The following SCRIB variants were observed in gnomAD, a reference collection of about 807,000 sequenced individuals.
SCRIB encodes scribble planar cell polarity protein.
Under a neutral mutation model 170.0 loss-of-function variants are expected in SCRIB, and 72 were observed. The observed-to-expected ratio is 0.42, with a 90% CI of 0.35 to 0.52. The LOEUF (loss-of-function observed/expected upper bound fraction) is 0.52. Among genes scored for constraint, SCRIB ranks in the 20% least tolerant of loss-of-function variants. The pLI, the probability that SCRIB is intolerant of heterozygous loss-of-function variation, is 0.02. For synonymous variants in SCRIB, 1,298 were observed against 1,044.3 expected, an observed-to-expected ratio of 1.24 and a Z score of -4.68; for missense variants, 2,475 against 2,338.5, an observed-to-expected ratio of 1.06 and a Z score of -1.20.
rs369473591 is a variant in SCRIB at position 143,803,803 on chromosome 8, C to T, written c.3258G>A (p.Ser1086=). 45 of 1,603,982 alleles carry T rather than the reference C, an allele frequency of 2.8e-5. No individual in the cohort carries two copies. Among genetic ancestry groups the T allele is most frequent in the Non-Finnish European group, 3.2e-5 (38 of 1,179,444 alleles). Residue 1086 remains serine (S), a synonymous_variant, in exon 23 of 37, where the codon TCG becomes TCA. Transcript: ENST00000356994. ...SALLRPCLEL[S]LLVRRDPAPP... ...GTGCCGGGTCCCTCCGCACCAGCAG[C>T]GACAGCTCCAGGCAGGGCCGGAGCA...
intron 6 of SCRIB, 62 bp from the exon 7 acceptor site, chr8:143,813,166 A>G: frequency 6.3e-7 from 1 of 1,587,500 alleles, no homozygotes; most frequent in East Asian, 2.2e-5. Context: ...CGCCGTGCTC[A>G]AGAGACTATA....
Position 143,805,392 on chromosome 8 carries a change from A to G in SCRIB, c.2390T>C (p.Val797Ala). The G allele has an allele frequency of 1.3e-6, 2 of 1,544,240 alleles. No homozygotes were observed. Among genetic ancestry groups the G allele is most frequent in the Non-Finnish European group, 1.7e-6 (2 of 1,150,724 alleles). Residue 797 changes from valine (V) to alanine (A), a missense_variant, in exon 19 of 37, where the codon GTG becomes GCG. This residue lies in a region of SCRIB where 1,966 missense variants were observed against 1,742.9 expected (regional missense o/e 1.13). Coordinates refer to ENST00000356994, the MANE Select transcript of SCRIB (RefSeq NM_182706.5). ...AGTGCCGGCCCCCCGGAGCGCCTCC[A>G]CGGCCTCGTGGTGCTCGGCGCCCTG... ...ALQGAEHHEA[V>A]EALRGAGTAV...
chr8:143,796,252 G>A (rs1387903673), intron 24 of SCRIB, among the ~76,000 whole-genome samples: 11 of 152,114 alleles, frequency 7.2e-5, no homozygotes, highest in African/African-American at 2.2e-4. Flanking sequence ...GGCGGGCAAC[G>A]GGACTGCTTC....
At position 143,803,422 on chromosome 8, in the gene SCRIB, G is replaced by C. The variant is rs1554635400; in HGVS notation, c.3564C>G (p.Val1188=). ...CGGTGCTGGCCTCAAAGCCGTCACA[G>C]ACCAGCACGGTGAGGGTGTCGCCCA... The part of the protein sequence containing the change: ...RSVGDTLTVL[V]CDGFEASTDA... Residue 1188 remains valine (V), a synonymous_variant, in exon 24 of 37, where the codon GTC becomes GTG. Transcript: ENST00000356994. 6.3e-7 allele frequency: 1 copy of C among 1,594,516 alleles called. No homozygotes were observed. The highest frequency in any genetic ancestry group is 8.5e-7 in the Non-Finnish European group (1 of 1,176,268).
chr8:143,791,517 C>T lies in SCRIB; in HGVS notation c.4771-77G>A, dbSNP rs566329991. ...CCCAGGTGGACGGGTGGGCTCCCAG[C>T]CCTGAGGCCCACAGAGCCCGGCTGA... On this transcript the variant is annotated intron_variant, in intron 35 of 36. Transcript: ENST00000356994. The T allele has an allele frequency of 7.3e-4, 1,162 of 1,592,168 alleles. 5 individuals carry two copies. The highest frequency in any genetic ancestry group is 6.0e-3 in the South Asian group (537 of 89,466).
chr8:143,805,298 C>T lies in SCRIB; in HGVS notation c.2484G>A (p.Leu828=). ...EPENAVTITP[L]RPEDDYSPRE... ...GGGGGCTGTAATCATCCTCGGGCCG[C>T]AGCGGCGTGATGGTGACCGCGTTCT... The change falls in exon 19 of 37, where the codon CTG becomes CTA. Residue 828 remains leucine, a synonymous_variant. Transcript: ENST00000356994. The T allele has an allele frequency of 6.5e-7, 1 of 1,548,458 alleles. No homozygotes were observed. Among genetic ancestry groups the T allele is most frequent in the African/African-American group, 1.4e-5 (1 of 73,404 alleles).
At chr8:143,801,312 C>T (rs1469167314) in intron 24 of SCRIB, among the ~76,000 whole-genome samples, 6 of 152,238 alleles carry the variant, frequency 3.9e-5, no homozygotes, top group Admixed American at 3.3e-4. Flanking sequence ...GATTGTGTCA[C>T]CACACTCCAG....
rs1816020327 is a variant in SCRIB, at chr8:143,815,203, C to A, written c.159+11G>T. The A allele has an allele frequency of 6.4e-7, 1 of 1,558,070 alleles. No homozygotes were observed. Among genetic ancestry groups the A allele is most frequent in the Non-Finnish European group, 8.6e-7 (1 of 1,158,990 alleles). ...CGCGCCTTTGGGCGGCAGGTGCGGG[C>A]GGCCGCTCACCTTGGGCAGCTCGCG... On this transcript the variant is annotated intron_variant, in intron 1 of 36. Coordinates refer to ENST00000356994, the MANE Select transcript of SCRIB (RefSeq NM_182706.5).
Position 143,791,469 on chromosome 8 carries a change from G to A in SCRIB, c.4771-29C>T, listed in dbSNP as rs374751896. ...TGATGGGGAGAGTGTTGGTCAGGCCGGTGCCAGCCCTGCCCCAAACCACCC... is the reference window on the plus strand; with the variant it reads ...TGATGGGGAGAGTGTTGGTCAGGCCAGTGCCAGCCCTGCCCCAAACCACCC... On this transcript the variant is annotated intron_variant, in intron 35 of 36. Coordinates refer to ENST00000356994, the MANE Select transcript of SCRIB (RefSeq NM_182706.5). 5.7e-4 allele frequency: 916 copies of A among 1,606,218 alleles called. 3 individuals carry two copies. Among genetic ancestry groups the A allele is most frequent in the Non-Finnish European group, 7.0e-4 (823 of 1,177,066 alleles).
At chr8:143,794,902 A>G in intron 27 of SCRIB, 136 bp downstream of exon 27, 1 of 732,312 alleles carries the variant, frequency 1.4e-6, no homozygotes, top group Non-Finnish European at 2.3e-6. Flanking sequence ...GGTAGCCTGC[A>G]GGTCAGACGT....
chr8:143,812,262 C>T lies in SCRIB; in HGVS notation c.906+4G>A. On this transcript the variant is annotated splice_donor_region_variant and intron_variant, in intron 9 of 36. Coordinates refer to ENST00000356994, the MANE Select transcript of SCRIB (RefSeq NM_182706.5). ...TCCTTTCTGCCTCCCAAGCCAGACC[C>T]TACCATCAGCAGGTTCTCCGTGAGG... The T allele has an allele frequency of 6.3e-7, 1 of 1,589,992 alleles. No individual in the cohort carries two copies. Among genetic ancestry groups the T allele is most frequent in the Non-Finnish European group, 8.6e-7 (1 of 1,158,092 alleles).
intron 27 of SCRIB, 96 bp downstream of exon 27, chr8:143,794,942 A>G (rs1052900260): frequency 3.6e-5 from 46 of 1,267,198 alleles, no homozygotes; most frequent in Non-Finnish European, 5.6e-6. Context: ...CCCCGCCCAA[A>G]GGTTCCCTCC....
chr8:143,806,469 G>A lies in SCRIB; in HGVS notation c.2284C>T (p.Arg762Trp), dbSNP rs782384815. The A allele has an allele frequency of 5.6e-6, 9 of 1,599,448 alleles. No homozygotes were observed. Among genetic ancestry groups the A allele is most frequent in the Admixed American group, 5.1e-5 (3 of 58,714 alleles). Residue 762 changes from arginine (R) to tryptophan (W), a missense_variant, in exon 18 of 37, where the codon CGG becomes TGG. Arg to Trp is a moderately radical substitution (Grantham distance 101). Around this residue, in one of 3 missense-constraint regions of SCRIB, gnomAD observed 1,966 missense variants for 1,742.9 expected, o/e 1.13. Transcript: ENST00000356994. ...KGDDEGIFIS[R>W]VSEEGPAARA... ...GCCGCAGGGCCTTCCTCGGACACCC[G>A]AGAGATGAATATGCCCTAGGGCACA...
chr8:143,811,419 G>A (rs556934760), intron 9 of SCRIB, 74 bp from the exon 10 acceptor site: 5 of 1,384,712 alleles, frequency 3.6e-6, no homozygotes, highest in Non-Finnish European at 5.0e-6. Flanking sequence ...CCCCTGGCAG[G>A]AGGGCACAGA....
chr8:143,795,311 G>T lies in SCRIB; in HGVS notation c.3737C>A (p.Thr1246Asn), dbSNP rs1554633871. The change falls in exon 26 of 37, where the codon ACC becomes AAC. Residue 1246 changes from threonine (T) to asparagine (N), a missense_variant. Transcript: ENST00000356994. Reference protein sequence around the residue: ...PGKEKELPGQTLHWGPEATEA... With the variant: ...PGKEKELPGQNLHWGPEATEA... ...TGTGGCCTCGGGCCCCCAGTGCAGG[G>T]TCTGTCCAGGCAGCTCCTTCTCCTG... The T allele has an allele frequency of 6.2e-7, 1 of 1,612,718 alleles. No homozygotes were observed. Among genetic ancestry groups the T allele is most frequent in the East Asian group, 2.2e-5 (1 of 44,854 alleles).
At chr8:143,806,129 C>T (rs1815414009) in intron 18 of SCRIB, among the ~76,000 whole-genome samples, 1 of 152,172 alleles carries the variant, frequency 6.6e-6, no homozygotes, top group African/African-American at 2.4e-5. Context: ...TGCTGCCCTA[C>T]CCACTGGTAG....
chr8:143,810,054 C>G (rs1475522411), intron 13 of SCRIB, among the ~76,000 whole-genome samples: 1 of 152,168 alleles, frequency 6.6e-6, no homozygotes, highest in Non-Finnish European at 1.5e-5. Flanking sequence ...CTACCCCAGC[C>G]CAGATCACTG....
In SCRIB at chr8:143,791,648, G is replaced by A. The variant is rs781787552; in HGVS notation, c.4770+18C>T. ...ACGGACAGGGTGGCAGGCATGCAGAGGCCTGGAGGCCAGGTACCTGGATGT... is the reference window on the plus strand; with the variant it reads ...ACGGACAGGGTGGCAGGCATGCAGAAGCCTGGAGGCCAGGTACCTGGATGT... On this transcript the variant is annotated intron_variant, in intron 35 of 36. Transcript: ENST00000356994. 1.3e-6 allele frequency: 2 copies of A among 1,598,756 alleles called. No individual in the cohort carries two copies. Among genetic ancestry groups the A allele is most frequent in the African/African-American group, 1.3e-5 (1 of 74,622 alleles).
In SCRIB at chr8:143,803,531, C is replaced by A; in HGVS notation, c.3455G>T (p.Arg1152Leu). The A allele has an allele frequency of 6.2e-7, 1 of 1,604,220 alleles. No individual in the cohort carries two copies. The highest frequency in any genetic ancestry group is 8.5e-7 in the Non-Finnish European group (1 of 1,179,292). Residue 1152 changes from arginine to leucine, a missense_variant, in exon 24 of 37, where the codon CGT (arginine) becomes CTT (leucine). Arg to Leu is a moderately radical substitution (Grantham distance 102). Coordinates refer to ENST00000356994, the MANE Select transcript of SCRIB (RefSeq NM_182706.5). ...TGAAGRDGRL[R>L]VGLRLLEVNQ... ...CACCTCCAACAGCCGCAAACCCACA[C>A]GCAGCCGACCGTCGCGCCCGGCTGC...
Sources: allele counts gnomAD v4.1 joint callset (sites outside exome capture counted in the v4.1 genomes callset), GRCh38; gene constraint gnomAD v4.1.1; regional missense constraint gnomAD v4.1.1; transcripts MANE v1.5; gene names NCBI Gene and HGNC (gene_info 2026-07-23, HGNC 2026-07-21).